Variants in ACSL5 observed in about 807,000 individuals in gnomAD.
ACSL5 encodes acyl-CoA synthetase long chain family member 5.
Under a neutral mutation model 84.9 loss-of-function variants are expected in ACSL5, and 50 were observed. The ratio of observed to expected loss-of-function variants is 0.59; its 90% CI spans 0.47 to 0.75. The LOEUF is 0.75. ACSL5 is among the 30% of genes least tolerant of loss of function. The pLI, the probability that ACSL5 is intolerant of heterozygous loss-of-function variation, is 0.00. For synonymous variants in ACSL5, 280 were observed against 300.7 expected (o/e 0.93, Z 0.71); for missense variants, 775 against 830.4 (o/e 0.93, Z 0.82).
chr10:112,427,115 C>T (rs933271066), intron 20 of ACSL5, 103 bp from the exon 21 acceptor site: 1 of 1,237,982 alleles, frequency 8.1e-7, no homozygotes. Flanking sequence ...TACCTTTACC[C>T]TTTCACTGCA....
intron 12 of ACSL5, among the ~76,000 whole-genome samples, 194 bp from the exon 13 acceptor site, chr10:112,416,694 T>C (rs1465253788): frequency 1.3e-5 from 2 of 152,094 alleles, no homozygotes; most frequent in African/African-American, 4.8e-5. Context: ...GGACTGGAGC[T>C]CTGCATTAAG....
chr10:112,401,794 T>TTCTCTC (rs1843902158), intron 3 of ACSL5, among the ~76,000 whole-genome samples: 2 of 76,784 alleles, frequency 2.6e-5, no homozygotes, highest in African/African-American at 1.1e-4. Context: ...TTCTCTTTCT[T>TTCTCTC]TCTTTCTTTC....
intron 1 of ACSL5, among the ~76,000 whole-genome samples, chr10:112,377,562 A>G (rs572493389): frequency 2.0e-4 from 30 of 151,998 alleles, no homozygotes; most frequent in Non-Finnish European, 3.4e-4. Flanking sequence ...AACAAATAAA[A>G]AAACATTGAA....
At chr10:112,417,731 G>A in intron 13 of ACSL5, 115 bp from the exon 14 acceptor site, 1 of 791,648 alleles carries the variant, frequency 1.3e-6, no homozygotes, top group Non-Finnish European at 2.2e-6. Flanking sequence ...CGTGAGAATT[G>A]ATGTCAGTTT....
intron 1 of ACSL5, among the ~76,000 whole-genome samples, chr10:112,382,875 T>C (rs977509068): frequency 2.6e-5 from 4 of 152,190 alleles, no homozygotes; most frequent in African/African-American, 9.7e-5. Flanking sequence ...TTCCATGGTG[T>C]GGAAACTACT....
intron 17 of ACSL5, 116 bp downstream of exon 17, chr10:112,422,557 G>T (rs866690382): frequency 1.0e-6 from 1 of 959,624 alleles, no homozygotes; most frequent in South Asian, 1.5e-5. Flanking sequence ...CAGCTGGAGG[G>T]GATTAGGTTT....
At chr10:112,404,859 C>T in intron 5 of ACSL5, 53 bp downstream of exon 5, 1 of 1,463,926 alleles carries the variant, frequency 6.8e-7, no homozygotes. Flanking sequence ...AGTTTAAAAA[C>T]TTCAAATGCT....
intron 1 of ACSL5, among the ~76,000 whole-genome samples, chr10:112,381,665 CAAAAAA>C (rs35097669): frequency 0.087 from 9,142 of 104,786 alleles, 428 homozygotes; most frequent in Middle Eastern, 0.12. Context: ...GAGACTGTCT[CAAAAAA>C]AAAAAAAAAA....
Position 112,395,025 on chromosome 10 carries a change from A to T in ACSL5, c.79A>T (p.Ile27Phe). 6.2e-7 allele frequency: 1 copy of T among 1,613,996 alleles called. No homozygotes were observed. The highest frequency in any genetic ancestry group is 8.5e-7 in the Non-Finnish European group (1 of 1,180,030). Residue 27 changes from isoleucine to phenylalanine, a missense_variant, in exon 2 of 21, where the codon ATC becomes TTC. By Grantham distance (21) the Ile-to-Phe change is conservative. Coordinates refer to ENST00000354655, the MANE Select transcript of ACSL5 (RefSeq NM_203379.2). ...CTGCATCCTGACATTTGGAGCTGCC[A>T]TCTTCTTGTGGCTGATCACCAGACC... Reference protein sequence around the residue: ...LICILTFGAAIFLWLITRPQP... With the variant: ...LICILTFGAAFFLWLITRPQP...
chr10:112,400,240 C>T lies in ACSL5; in HGVS notation c.265+1231C>T, dbSNP rs115379380. ...TTTCCTTTTTTTTCAGAGACGGGAT[C>T]TTGCTCTGTCACCCAGGCTAGAGTG... On this transcript the variant is annotated intron_variant, in intron 3 of 20. Transcript: ENST00000354655. 5.1e-3 allele frequency among the ~76,000 whole-genome samples: 777 copies of T among 151,944 alleles called. 8 individuals carry two copies. Among genetic ancestry groups the T allele is most frequent in the African/African-American group, 0.016 (659 of 41,414 alleles).
At chr10:112,416,737 T>C in intron 12 of ACSL5, 151 bp from the exon 13 acceptor site, 1 of 824,964 alleles carries the variant, frequency 1.2e-6, no homozygotes, top group Non-Finnish European at 1.9e-6. Flanking sequence ...CATAATTCTC[T>C]GGGCTCATCA....
At chr10:112,426,981 T>A in intron 20 of ACSL5, 122 bp downstream of exon 20, 2 of 987,410 alleles carry the variant, frequency 2.0e-6, no homozygotes, top group Non-Finnish European at 3.1e-6. Flanking sequence ...TGCCATTAAC[T>A]ACAAAATGAC....
rs1279496799 is a variant in ACSL5 at position 112,428,003 on chromosome 10, G to A, written c.*645G>A. On this transcript the variant is annotated 3_prime_UTR_variant, in exon 21 of 21. Coordinates refer to ENST00000354655, the MANE Select transcript of ACSL5 (RefSeq NM_203379.2). ...CTCTAGTTAGATATCTGACTTGGGA[G>A]TATTAAAAATTGGGTCTATGACATA... 6.3e-6 allele frequency: 1 copy of A among 158,774 alleles called. No homozygotes were observed. Among genetic ancestry groups the A allele is most frequent in the Non-Finnish European group, 1.4e-5 (1 of 72,500 alleles). The allele number at this position is 158,774 out of a possible 1,614,324, so 9.8% of individuals were successfully genotyped here.
At chr10:112,399,164 T>C (rs1210082023) in intron 3 of ACSL5, among the ~76,000 whole-genome samples, 155 bp downstream of exon 3, 1 of 152,170 alleles carries the variant, frequency 6.6e-6, no homozygotes, top group Non-Finnish European at 1.5e-5. Flanking sequence ...TAGAACATAG[T>C]ATTAGGATGG....
intron 3 of ACSL5, among the ~76,000 whole-genome samples, chr10:112,401,946 T>C (rs1449790634): frequency 1.7e-5 from 2 of 114,882 alleles, no homozygotes; most frequent in African/African-American, 5.7e-5. Context: ...CTTCTCTTTC[T>C]TTCTCTCTCT....
intron 14 of ACSL5, chr10:112,419,708 C>T (rs1369366455): frequency 6.6e-6 from 1 of 152,156 alleles, no homozygotes; most frequent in Non-Finnish European, 1.5e-5. Context: ...AACATTTTTC[C>T]TGGTCTCATC....
At position 112,426,288 on chromosome 10, in the gene ACSL5, A is replaced by G; in HGVS notation, c.1768A>G (p.Thr590Ala). The change falls in exon 19 of 21, where the codon ACA becomes GCA. Residue 590 changes from threonine (T) to alanine (A), a missense_variant. Transcript: ENST00000354655. ...SSLVGVVVPDTDVLPSFAAKL... is the reference protein window; with the variant it reads ...SSLVGVVVPDADVLPSFAAKL... Reference sequence around the variant, plus strand: ...CTTAGTAGGAGTGGTGGTTCCTGACACAGATGTACTTCCCTCATTTGCAGC... The same window carrying G: ...CTTAGTAGGAGTGGTGGTTCCTGACGCAGATGTACTTCCCTCATTTGCAGC... The G allele has an allele frequency of 6.2e-7, 1 of 1,614,150 alleles. No individual in the cohort carries two copies. Among genetic ancestry groups the G allele is most frequent in the Non-Finnish European group, 8.5e-7 (1 of 1,180,006 alleles).
rs147631386 is a variant in ACSL5, at chr10:112,404,639, G to A, written c.330+64G>A. On this transcript the variant is annotated intron_variant, in intron 4 of 20. Coordinates refer to ENST00000354655, the MANE Select transcript of ACSL5 (RefSeq NM_203379.2). Reference sequence around the variant, plus strand: ...CATAGTATTCTGAACTACAGGATACGATATTGGTCAGTTTTTGGTCTTGAC... The same window carrying A: ...CATAGTATTCTGAACTACAGGATACAATATTGGTCAGTTTTTGGTCTTGAC... 1.3e-4 allele frequency: 207 copies of A among 1,592,616 alleles called. No individual in the cohort carries two copies. In the African/African-American group the frequency reaches 2.4e-3, roughly 19 times the overall value.
chr10:112,410,717 A>T (rs1844158574), intron 9 of ACSL5, 82 bp downstream of exon 9: 4 of 1,439,448 alleles, frequency 2.8e-6, no homozygotes, highest in Non-Finnish European at 3.8e-6. Context: ...TAGGCTGGTA[A>T]ATACTCCCTC....
Sources: gnomAD v4.1 joint callset for allele counts (sites outside exome capture counted in the v4.1 genomes callset) on GRCh38, gnomAD v4.1.1 for gene constraint, MANE v1.5 for transcripts, NCBI Gene and HGNC (gene_info 2026-07-23, HGNC 2026-07-21) for gene names.